The following SND1 variants were observed in gnomAD, a reference collection of about 807,000 sequenced individuals.
SND1 encodes the protein staphylococcal nuclease domain-containing protein 1.
In SND1, 38 loss-of-function variants were observed where a neutral mutation model predicts 121.7. The ratio of observed to expected loss-of-function variants is 0.31; its 90% CI spans 0.24 to 0.41. The LOEUF is 0.41. SND1 is among the 10% of genes least tolerant of loss of function. SND1 has a pLI of 1.00. For missense variants in SND1, 868 were observed against 1,184.6 expected, an observed-to-expected ratio of 0.73 and a Z score of 3.92; for synonymous variants, 401 against 447.4, an observed-to-expected ratio of 0.90 and a Z score of 1.31.
intron 12 of SND1, among the ~76,000 whole-genome samples, chr7:127,862,153 A>G (rs1241239128): frequency 6.6e-6 from 1 of 152,222 alleles, no homozygotes; most frequent in Non-Finnish European, 1.5e-5. Flanking sequence ...GAATGCATCC[A>G]GTTTTCCTAG....
chr7:127,737,466 T>C (rs1796797588), intron 10 of SND1, among the ~76,000 whole-genome samples: 5 of 152,134 alleles, frequency 3.3e-5, no homozygotes, highest in Admixed American at 3.3e-4. Context: ...TCCTAGCTAC[T>C]TGGGAGGCTG....
chr7:127,841,010 A>G (rs1435064703), intron 11 of SND1, among the ~76,000 whole-genome samples: 1 of 152,174 alleles, frequency 6.6e-6, no homozygotes, highest in Non-Finnish European at 1.5e-5. Flanking sequence ...ATTTCCCTGG[A>G]AGACAGTTTT....
In SND1 at chr7:128,081,341, C is replaced by T; in HGVS notation, c.1969-19C>T. 4 of 1,613,862 alleles carry T rather than the reference C, an allele frequency of 2.5e-6. No individual in the cohort carries two copies. Among genetic ancestry groups the T allele is most frequent in the Non-Finnish European group, 3.4e-6 (4 of 1,179,920 alleles). ...TCACTTCCTCGCCCTCTTCTCACCT[C>T]TGCCGACTGAACATGCAGGTCTGGG... On this transcript the variant is annotated intron_variant, in intron 17 of 23. Coordinates refer to ENST00000354725, the MANE Select transcript of SND1 (RefSeq NM_014390.4).
chr7:127,792,333 G>A (rs1029118283), intron 10 of SND1, among the ~76,000 whole-genome samples: 3 of 152,202 alleles, frequency 2.0e-5, no homozygotes, highest in African/African-American at 7.2e-5. Flanking sequence ...TTTATCAAGA[G>A]AGGTGGACTG....
At chr7:127,938,859 G>T (rs533200945) in intron 15 of SND1, among the ~76,000 whole-genome samples, 1 of 152,132 alleles carries the variant, frequency 6.6e-6, no homozygotes, top group Non-Finnish European at 1.5e-5. Flanking sequence ...CATCATACTT[G>T]TGGGTCATTC....
At chr7:127,947,146 G>A (rs1801346288) in intron 15 of SND1, among the ~76,000 whole-genome samples, 1 of 152,118 alleles carries the variant, frequency 6.6e-6, no homozygotes, top group African/African-American at 2.4e-5. Flanking sequence ...TGAGGCCAGG[G>A]GTCTTTTTGG....
intron 10 of SND1, among the ~76,000 whole-genome samples, chr7:127,751,033 G>A (rs1490165746): frequency 2.0e-5 from 3 of 152,104 alleles, no homozygotes; most frequent in Non-Finnish European, 4.4e-5. Context: ...GTTTCCTGAT[G>A]GCTCTGAAGA....
At chr7:127,972,037 A>C (rs182281825) in intron 15 of SND1, among the ~76,000 whole-genome samples, 119 of 151,828 alleles carry the variant, frequency 7.8e-4, no homozygotes, top group African/African-American at 2.5e-3. Context: ...GGCCTCCCAA[A>C]GTGCTAGGAT....
chr7:127,896,974 T>A (rs1005363110), intron 13 of SND1, among the ~76,000 whole-genome samples: 1 of 152,160 alleles, frequency 6.6e-6, no homozygotes, highest in African/African-American at 2.4e-5. Flanking sequence ...TCAGGAGGAC[T>A]ATAGTTCAAA....
At chr7:127,909,508 A>G (rs900978558) in intron 14 of SND1, among the ~76,000 whole-genome samples, 2 of 151,666 alleles carry the variant, frequency 1.3e-5, no homozygotes, top group Non-Finnish European at 2.9e-5. Flanking sequence ...CTGGACTGAA[A>G]GTACAGTGGC....
At chr7:127,690,125 C>T (rs374400468) in intron 2 of SND1, among the ~76,000 whole-genome samples, 4 of 152,170 alleles carry the variant, frequency 2.6e-5, no homozygotes, top group East Asian at 1.9e-4. Flanking sequence ...TCTCCATATG[C>T]TCTCAGATTT....
chr7:127,788,328 A>G (rs6467148), intron 10 of SND1, among the ~76,000 whole-genome samples: 46,147 of 152,058 alleles, frequency 0.3, 7,685 homozygotes, highest in African/African-American at 0.45. Flanking sequence ...GTTGGAGACA[A>G]ATACATGGTT....
intron 10 of SND1, among the ~76,000 whole-genome samples, chr7:127,743,858 A>G (rs1796929475): frequency 6.6e-6 from 1 of 152,210 alleles, no homozygotes; most frequent in African/African-American, 2.4e-5. Flanking sequence ...GGCCAAGGCA[A>G]TCATGGCTAT....
intron 14 of SND1, among the ~76,000 whole-genome samples, chr7:127,909,367 G>GAT (rs1281697750): frequency 6.6e-6 from 1 of 151,756 alleles, no homozygotes; most frequent in African/African-American, 2.4e-5. Flanking sequence ...ATCATGGCTT[G>GAT]GTTTCATGCT....
At chr7:127,797,112 T>C (rs749388561) in intron 10 of SND1, among the ~76,000 whole-genome samples, 19 of 152,098 alleles carry the variant, frequency 1.2e-4, no homozygotes, top group Non-Finnish European at 2.1e-4. Flanking sequence ...AGGCCGGTCT[T>C]GAACTCTTGA....
intron 15 of SND1, among the ~76,000 whole-genome samples, chr7:127,945,468 G>A (rs551362974): frequency 1.7e-3 from 258 of 152,028 alleles, no homozygotes; most frequent in African/African-American, 5.9e-3. Flanking sequence ...TCCAGCCTGG[G>A]TGACAGAGCG....
chr7:127,912,450 G>A lies in SND1; in HGVS notation c.1527+7631G>A, dbSNP rs541892349. On this transcript the variant is annotated intron_variant, in intron 14 of 23. Transcript: ENST00000354725. ...GGGCTGTTTTGCATCTTTGTAAATA[G>A]AGATGTAGAAATGTAGTCCTGAAGA... Among the ~76,000 whole-genome samples the A allele has an allele frequency of 5.2e-4, 79 of 152,246 alleles. 1 individual carries two copies. Among genetic ancestry groups the A allele is most frequent in the African/African-American group, 1.8e-3 (75 of 41,546 alleles).
intron 15 of SND1, among the ~76,000 whole-genome samples, chr7:127,977,695 G>A (rs370318307): frequency 1.1e-4 from 17 of 152,242 alleles, no homozygotes; most frequent in East Asian, 5.8e-4. Flanking sequence ...GGGAAAAATC[G>A]AGGGCAGGCA....
chr7:127,768,636 A>T (rs1231939754), intron 10 of SND1, among the ~76,000 whole-genome samples: 1 of 152,202 alleles, frequency 6.6e-6, no homozygotes, highest in Non-Finnish European at 1.5e-5. Flanking sequence ...GCTTGTATAG[A>T]TGGTGCTCAT....
Sources: allele counts gnomAD v4.1 joint callset (sites outside exome capture counted in the v4.1 genomes callset), GRCh38; gene constraint gnomAD v4.1.1; transcripts MANE v1.5; gene names NCBI Gene and HGNC (gene_info 2026-07-23, HGNC 2026-07-21).